The following RMST variants were observed in gnomAD, a reference collection of about 807,000 sequenced individuals.
The protein encoded by RMST is long intergenic non-protein coding RNA 54.
At chr12:97,511,732 G>A (rs1314223544) in intron 10 of RMST, among the ~76,000 whole-genome samples, 1 of 152,152 alleles carries the variant, frequency 6.6e-6, no homozygotes, top group Non-Finnish European at 1.5e-5. Context: ...ATTAAAAATG[G>A]AATGATTGAT....
At chr12:97,526,799 T>C (rs1243672470) in intron 10 of RMST, among the ~76,000 whole-genome samples, 2 of 152,182 alleles carry the variant, frequency 1.3e-5, no homozygotes, top group Admixed American at 6.5e-5. Context: ...CCCTTGCTCT[T>C]GTTTGCTACA....
At chr12:97,526,976 A>C (rs1852826490) in intron 10 of RMST, among the ~76,000 whole-genome samples, 1 of 152,190 alleles carries the variant, frequency 6.6e-6, no homozygotes, top group African/African-American at 2.4e-5. Flanking sequence ...AGGTTTACTA[A>C]CTTGCCCAAA....
chr12:97,548,000 G>A (rs2136640668), intron 11 of RMST, among the ~76,000 whole-genome samples: 1 of 152,018 alleles, frequency 6.6e-6, no homozygotes, highest in East Asian at 1.9e-4. Flanking sequence ...TTTCCCTTAT[G>A]TTCTAATCTA....
At chr12:97,505,100 T>A (rs1016487791) in intron 10 of RMST, among the ~76,000 whole-genome samples, 16 of 152,250 alleles carry the variant, frequency 1.1e-4, no homozygotes, top group African/African-American at 3.9e-4. Context: ...TCTCTGGGAT[T>A]TATACTTTGA....
intron 5 of RMST, among the ~76,000 whole-genome samples, chr12:97,474,732 G>GA (rs79088838): frequency 4.6e-5 from 7 of 151,226 alleles, no homozygotes; most frequent in African/African-American, 1.5e-4. Flanking sequence ...AAAATATGTG[G>GA]AAAAAAAATT....
chr12:97,554,328 T>C (rs1467600418), intron 11 of RMST, among the ~76,000 whole-genome samples: 1 of 152,174 alleles, frequency 6.6e-6, no homozygotes, highest in Non-Finnish European at 1.5e-5. Context: ...ATTATCATTA[T>C]TAATCGTATT....
At chr12:97,523,995 G>GA (rs1325217299) in intron 10 of RMST, among the ~76,000 whole-genome samples, 4 of 147,554 alleles carry the variant, frequency 2.7e-5, no homozygotes, top group Non-Finnish European at 4.5e-5. Context: ...AGAATGGCGT[G>GA]ACCCCGGGAG....
intron 9 of RMST, among the ~76,000 whole-genome samples, chr12:97,495,717 C>T (rs921660453): frequency 7.2e-5 from 11 of 152,016 alleles, no homozygotes; most frequent in Admixed American, 2.0e-4. Flanking sequence ...CTAGATAATT[C>T]GTGATTTGTA....
In RMST at chr12:97,549,060, G is replaced by A. The variant is rs551881851; in HGVS notation, n.1546-11477G>A. Among the ~76,000 whole-genome samples, 11 of 152,214 alleles carry A rather than the reference G, an allele frequency of 7.2e-5. No individual in the cohort carries two copies. The South Asian group carries it at 1.9e-3, about 26-fold the overall frequency. On this transcript the variant is annotated intron_variant and non_coding_transcript_variant, in intron 11 of 13. Coordinates refer to ENST00000640149, the Ensembl canonical transcript of RMST. ...AGATCTGAGAGTTTGCAGGAAGTCT[G>A]GCCTTAGTATTTCCTACTACGCACC...
intron 11 of RMST, among the ~76,000 whole-genome samples, chr12:97,544,743 G>C (rs1414989814): frequency 1.3e-5 from 2 of 151,900 alleles, no homozygotes; most frequent in African/African-American, 4.8e-5. Context: ...CAATTTTCTT[G>C]TATCTCTTTT....
chr12:97,506,326 A>T (rs1468155834), intron 10 of RMST, among the ~76,000 whole-genome samples: 1 of 152,128 alleles, frequency 6.6e-6, no homozygotes, highest in African/African-American at 2.4e-5. Flanking sequence ...AGACATATTG[A>T]AATCAAAATA....
intron 10 of RMST, among the ~76,000 whole-genome samples, chr12:97,515,957 G>A (rs578003310): frequency 5.9e-4 from 90 of 151,936 alleles, no homozygotes; most frequent in Non-Finnish European, 1.1e-3. Flanking sequence ...TGTTTCACAT[G>A]TATATATTTT....
chr12:97,505,296 G>T, intron 10 of RMST, among the ~76,000 whole-genome samples: 1 of 152,354 alleles, frequency 6.6e-6, no homozygotes, highest in Admixed American at 6.5e-5. Context: ...TCGGCAATCA[G>T]TGATGAATGC....
chr12:97,544,296 A>G (rs1237826992), intron 11 of RMST, among the ~76,000 whole-genome samples: 3 of 152,088 alleles, frequency 2.0e-5, no homozygotes, highest in East Asian at 1.9e-4. Flanking sequence ...AAGTTAAGAC[A>G]TATTATATAA....
chr12:97,536,326 T>C (rs1376523154), intron 11 of RMST, among the ~76,000 whole-genome samples: 1 of 151,588 alleles, frequency 6.6e-6, no homozygotes, highest in African/African-American at 2.4e-5. Context: ...ACTTTTTTTC[T>C]CCTTTTCTTA....
intron 11 of RMST, among the ~76,000 whole-genome samples, chr12:97,560,217 C>A (rs955393482): frequency 7.9e-5 from 12 of 152,250 alleles, no homozygotes; most frequent in Non-Finnish European, 1.2e-4. Flanking sequence ...TAGTAGGGAA[C>A]AAAACACGTT....
At position 97,507,276 on chromosome 12, in the gene RMST, C is replaced by CT. The variant is rs142666185; in HGVS notation, n.1340+11231dup. ...GTTATTGTTTTTTTTTTGTTTTTGT[C>CT]TTTTTTTTTTTAAAAAAAAAAAGAT... On this transcript the variant is annotated intron_variant and non_coding_transcript_variant, in intron 10 of 13. Coordinates refer to ENST00000640149, the Ensembl canonical transcript of RMST. Among the ~76,000 whole-genome samples the CT allele has an allele frequency of 7.0e-3, 784 of 112,318 alleles. 3 individuals are homozygous for CT. The highest frequency in any genetic ancestry group is 0.029 in the Middle Eastern group (7 of 240). The allele number at this position is 112,318 out of a possible 152,430, so 73.7% of individuals were successfully genotyped here.
chr12:97,489,769 A>G (rs530029299), intron 5 of RMST, among the ~76,000 whole-genome samples: 1 of 152,362 alleles, frequency 6.6e-6, no homozygotes, highest in South Asian at 2.1e-4. Flanking sequence ...AATAATAACA[A>G]TAGTTCATAT....
intron 8 of RMST, among the ~76,000 whole-genome samples, chr12:97,494,531 C>T (rs954840122): frequency 1.3e-5 from 2 of 152,072 alleles, no homozygotes; most frequent in Admixed American, 6.6e-5. Context: ...GCCTGGGTAA[C>T]AGAGACCACA....
Sources: allele counts gnomAD v4.1 joint callset (sites outside exome capture counted in the v4.1 genomes callset), GRCh38; gene constraint gnomAD v4.1.1; transcripts MANE v1.5; gene names NCBI Gene and HGNC (gene_info 2026-07-23, HGNC 2026-07-21).